The following CDH12 variants were observed in gnomAD, a reference collection of about 807,000 sequenced individuals.
CDH12 encodes the protein cadherin-12.
Under a neutral mutation model 74.1 loss-of-function variants are expected in CDH12, and 41 were observed. The observed-to-expected ratio is 0.55, with a 90% CI of 0.43 to 0.72. CDH12 has a LOEUF of 0.72. CDH12 is among the 30% of genes least tolerant of loss of function. The pLI is 0.00. For missense variants in CDH12, 945 were observed against 977.2 expected (o/e 0.97, Z 0.44); for synonymous variants, 399 against 355.0 (o/e 1.12, Z -1.39).
intron 10 of CDH12, among the ~76,000 whole-genome samples, chr5:21,784,179 C>A (rs1444875884): frequency 6.6e-6 from 1 of 151,928 alleles, no homozygotes; most frequent in Non-Finnish European, 1.5e-5. Context: ...CTACGTGAAG[C>A]AACTGGACTA....
chr5:21,859,693 TAC>T (rs1750933591), intron 6 of CDH12, among the ~76,000 whole-genome samples: 2 of 151,934 alleles, frequency 1.3e-5, no homozygotes, highest in Non-Finnish European at 2.9e-5. Flanking sequence ...CACCAGGAGA[TAC>T]AACAATGATT....
At chr5:22,677,115 T>A (rs1741236015) in intron 1 of CDH12, among the ~76,000 whole-genome samples, 1 of 151,956 alleles carries the variant, frequency 6.6e-6, no homozygotes, top group Non-Finnish European at 1.5e-5. Flanking sequence ...AAAGCACAAA[T>A]TAGATTGGAT....
intron 1 of CDH12, among the ~76,000 whole-genome samples, chr5:22,705,146 C>T (rs1325003335): frequency 1.4e-5 from 2 of 147,928 alleles, no homozygotes; most frequent in Admixed American, 1.4e-4. Context: ...CACACACACA[C>T]ACACACACAC....
At chr5:22,166,088 T>G (rs113776159) in intron 4 of CDH12, among the ~76,000 whole-genome samples, 1 of 151,418 alleles carries the variant, frequency 6.6e-6, no homozygotes, top group Non-Finnish European at 1.5e-5. Context: ...CGAATTCTTT[T>G]TTGTGTGAAA....
At chr5:21,762,690 A>G (rs1354618963) in intron 12 of CDH12, among the ~76,000 whole-genome samples, 3 of 152,150 alleles carry the variant, frequency 2.0e-5, no homozygotes, top group Non-Finnish European at 4.4e-5. Flanking sequence ...CAGATATGAA[A>G]AAATAACATT....
intron 3 of CDH12, among the ~76,000 whole-genome samples, chr5:22,379,594 T>A (rs906027004): frequency 6.6e-6 from 1 of 152,214 alleles, no homozygotes; most frequent in Non-Finnish European, 1.5e-5. Context: ...CTTTGATTTA[T>A]CTCCTGTGCA....
At chr5:22,685,727 T>A (rs269004) in intron 1 of CDH12, among the ~76,000 whole-genome samples, 10,071 of 152,266 alleles carry the variant, frequency 0.066, 647 homozygotes, top group African/African-American at 0.16. Flanking sequence ...ACATGCATCA[T>A]TCTTTCTTTT....
chr5:22,144,808 T>G lies in CDH12; in HGVS notation c.-186-65946A>C, dbSNP rs114681493. On this transcript the variant is annotated intron_variant, in intron 4 of 14. Coordinates refer to ENST00000382254, the MANE Select transcript of CDH12 (RefSeq NM_004061.5). ...TATTACCTTATAAAAATTCAAACCG[T>G]ATGTATTGAATATTAATTTAAATTA... Among the ~76,000 whole-genome samples the G allele has an allele frequency of 5.8e-3, 884 of 152,112 alleles. 7 individuals carry two copies. Among genetic ancestry groups the G allele is most frequent in the African/African-American group, 0.018 (757 of 41,530 alleles).
chr5:22,584,093 TATTTA>T (rs777290698), intron 1 of CDH12, among the ~76,000 whole-genome samples: 33 of 151,426 alleles, frequency 2.2e-4, no homozygotes, highest in Non-Finnish European at 3.8e-4. Flanking sequence ...TTTATTTATT[TATTTA>T]TTTATTTATT....
intron 4 of CDH12, among the ~76,000 whole-genome samples, chr5:22,091,754 T>C (rs1743446114): frequency 1.3e-5 from 2 of 151,928 alleles, no homozygotes; most frequent in South Asian, 4.1e-4. Context: ...AAAACAGTCT[T>C]ATACAAAAAA....
At chr5:22,173,976 T>C (rs1749193409) in intron 4 of CDH12, among the ~76,000 whole-genome samples, 1 of 151,986 alleles carries the variant, frequency 6.6e-6, no homozygotes, top group South Asian at 2.1e-4. Flanking sequence ...TTGGTTATAC[T>C]CATAGAATTA....
intron 1 of CDH12, among the ~76,000 whole-genome samples, chr5:22,803,817 T>TGAAAG (rs1748651917): frequency 6.6e-6 from 1 of 152,178 alleles, no homozygotes; most frequent in East Asian, 1.9e-4. Context: ...TCGTGTGTTT[T>TGAAAG]GTATGGTATC....
intron 6 of CDH12, among the ~76,000 whole-genome samples, chr5:21,895,749 G>T (rs1235410183): frequency 6.6e-6 from 1 of 152,136 alleles, no homozygotes; most frequent in Non-Finnish European, 1.5e-5. Context: ...CCCTGCCCAA[G>T]TGCCCAGGTA....
At chr5:21,879,820 A>C (rs748745471) in intron 6 of CDH12, among the ~76,000 whole-genome samples, 11 of 152,202 alleles carry the variant, frequency 7.2e-5, no homozygotes, top group Non-Finnish European at 1.6e-4. Flanking sequence ...AGGAAACCTA[A>C]TGAAAAGCGG....
At chr5:22,163,613 T>C (rs1312128070) in intron 4 of CDH12, among the ~76,000 whole-genome samples, 1 of 152,194 alleles carries the variant, frequency 6.6e-6, no homozygotes, top group Non-Finnish European at 1.5e-5. Flanking sequence ...AATTTGAACA[T>C]TTTCACCATC....
chr5:22,566,830 T>A (rs2126759470), intron 1 of CDH12, among the ~76,000 whole-genome samples: 1 of 152,312 alleles, frequency 6.6e-6, no homozygotes, highest in East Asian at 1.9e-4. Context: ...GTCTCATTGC[T>A]ATGGTCGCTG....
intron 5 of CDH12, among the ~76,000 whole-genome samples, chr5:22,045,875 C>T (rs1229568589): frequency 6.6e-6 from 1 of 152,094 alleles, no homozygotes; most frequent in African/African-American, 2.4e-5. Context: ...TGTTTTGCTG[C>T]ACAGTATGGT....
At chr5:22,820,105 G>T (rs1300860709) in intron 1 of CDH12, among the ~76,000 whole-genome samples, 1 of 149,922 alleles carries the variant, frequency 6.7e-6, no homozygotes, top group Non-Finnish European at 1.5e-5. Flanking sequence ...TAGCTGAACA[G>T]AAATTTCATT....
intron 4 of CDH12, among the ~76,000 whole-genome samples, chr5:22,204,327 G>T (rs1374827641): frequency 6.6e-6 from 1 of 151,986 alleles, no homozygotes; most frequent in Non-Finnish European, 1.5e-5. Flanking sequence ...CGCCCGGTTA[G>T]TTTTTTGTAT....
Sources: gnomAD v4.1 joint callset for allele counts (sites outside exome capture counted in the v4.1 genomes callset) on GRCh38, gnomAD v4.1.1 for gene constraint, MANE v1.5 for transcripts, NCBI Gene and HGNC (gene_info 2026-07-23, HGNC 2026-07-21) for gene names.